EPB41L5: variants seen among roughly 807,000 people sequenced by gnomAD.
The protein encoded by EPB41L5 is erythrocyte membrane protein band 4.1 like 5.
A neutral mutation model predicts 106.6 loss-of-function variants in EPB41L5; 55 were observed. The ratio of observed to expected loss-of-function variants is 0.52; its 90% CI spans 0.42 to 0.65. EPB41L5 has a LOEUF of 0.65. Ranked by LOEUF, EPB41L5 falls within the 30% of genes least tolerant of loss-of-function variation. The probability of loss-of-function intolerance (pLI) is 0.00; values close to 1 mark genes in which losing one functional copy is unlikely to be tolerated. For missense variants in EPB41L5, 871 were observed against 882.1 expected (o/e 0.99, Z 0.16); for synonymous variants, 297 against 306.7 (o/e 0.97, Z 0.33).
chr2:120,153,264 T>C (rs1390476462), intron 20 of EPB41L5, among the ~76,000 whole-genome samples: 1 of 152,176 alleles, frequency 6.6e-6, no homozygotes, highest in East Asian at 1.9e-4. Context: ...TGAGAATGTT[T>C]TATTTAATTT....
intron 2 of EPB41L5, among the ~76,000 whole-genome samples, chr2:120,039,160 A>G (rs1216555127): frequency 6.6e-6 from 1 of 152,148 alleles, no homozygotes; most frequent in African/African-American, 2.4e-5. Flanking sequence ...GGTGAGTGAA[A>G]TAAGCCAGAA....
chr2:120,170,669 C>T (rs1031525273), intron 24 of EPB41L5, among the ~76,000 whole-genome samples: 12 of 152,218 alleles, frequency 7.9e-5, no homozygotes, highest in Non-Finnish European at 2.9e-5. Flanking sequence ...TTGCTATATT[C>T]TGTTGTTGGT....
chr2:120,164,861 T>TGCA lies in EPB41L5; in HGVS notation c.1915_1916insAGC (p.Leu638_Leu639insGln). 1 of 1,612,762 alleles carries TGCA rather than the reference T, an allele frequency of 6.2e-7. No individual in the cohort carries two copies. The highest frequency in any genetic ancestry group is 8.5e-7 in the Non-Finnish European group (1 of 1,179,406). On this transcript the variant is annotated inframe_insertion, in exon 22 of 25. Coordinates refer to ENST00000263713, the MANE Select transcript of EPB41L5 (RefSeq NM_020909.4). ...GAAGCTACAGATGAATTGGATGCCTTGCTTGCATCTCTAACTGAGAATCTA... is the reference window on the plus strand; with the variant it reads ...GAAGCTACAGATGAATTGGATGCCTTGCAGCTTGCATCTCTAACTGAGAATCTA...
Position 120,167,879 on chromosome 2 carries a change from G to T in EPB41L5, c.2007G>T (p.Gln669His). Reference protein sequence around the residue: ...SMITPRWIVPQSGAMSNGLAG... With the variant: ...SMITPRWIVPHSGAMSNGLAG... ...AGTTGTGTGTGTATCTCCCACAGCA[G>T]AGTGGTGCCATGTCTAATGGACTTG... The change falls in exon 24 of 25, where the codon CAG (glutamine) becomes CAT (histidine). Residue 669 changes from glutamine to histidine, a missense_variant and splice_region_variant. Gln to His is a conservative substitution (Grantham distance 24). Coordinates refer to ENST00000263713, the MANE Select transcript of EPB41L5 (RefSeq NM_020909.4). 1 of 1,614,150 alleles carries T rather than the reference G, an allele frequency of 6.2e-7. No individual in the cohort carries two copies. The highest frequency in any genetic ancestry group is 8.5e-7 in the Non-Finnish European group (1 of 1,180,000).
At chr2:120,019,472 G>GTCTCTT (rs1348814890) in intron 2 of EPB41L5, among the ~76,000 whole-genome samples, 1 of 152,172 alleles carries the variant, frequency 6.6e-6, no homozygotes, top group Admixed American at 6.6e-5. Flanking sequence ...TTTGGAATTA[G>GTCTCTT]TGGCGATTAC....
chr2:120,038,899 A>G (rs1370292248), intron 2 of EPB41L5, among the ~76,000 whole-genome samples: 1 of 152,254 alleles, frequency 6.6e-6, no homozygotes, highest in Non-Finnish European at 1.5e-5. Context: ...CATTATTCCA[A>G]ACTGAAAAGA....
intron 22 of EPB41L5, 78 bp downstream of exon 22, chr2:120,164,988 C>A: frequency 1.8e-6 from 2 of 1,097,758 alleles, no homozygotes; most frequent in Non-Finnish European, 1.3e-6. Flanking sequence ...CAGTTTTTTC[C>A]TTTTTAATAA....
intron 10 of EPB41L5, among the ~76,000 whole-genome samples, chr2:120,086,883 T>C (rs1313125261): frequency 6.6e-6 from 1 of 152,176 alleles, no homozygotes; most frequent in African/African-American, 2.4e-5. Context: ...ACCTAAAGAA[T>C]CTCTTACACC....
intron 1 of EPB41L5, 50 bp from the exon 2 acceptor site, chr2:120,019,027 G>C (rs1466389136): frequency 6.7e-7 from 1 of 1,483,732 alleles, no homozygotes; most frequent in African/African-American, 1.4e-5. Context: ...GCAAGTTGTG[G>C]AGAATCTCAT....
chr2:120,042,172 A>G, intron 3 of EPB41L5, 62 bp downstream of exon 3: 1 of 1,261,906 alleles, frequency 7.9e-7, no homozygotes, highest in South Asian at 1.2e-5. Context: ...TTCAGATGAT[A>G]TACTAATTGC....
intron 10 of EPB41L5, among the ~76,000 whole-genome samples, chr2:120,083,163 C>A (rs1228983543): frequency 6.6e-6 from 1 of 152,070 alleles, no homozygotes; most frequent in Non-Finnish European, 1.5e-5. Flanking sequence ...AATGTGTTTG[C>A]CCTTGCTTCT....
At position 120,160,903 on chromosome 2, in the gene EPB41L5, G is replaced by C. The variant is rs1202632017; in HGVS notation, c.1816G>C (p.Val606Leu). Residue 606 changes from valine to leucine, a missense_variant, in exon 21 of 25, where the codon GTG (valine) becomes CTG (leucine). Val to Leu is a conservative substitution (Grantham distance 32, BLOSUM62 1). Coordinates refer to ENST00000263713, the MANE Select transcript of EPB41L5 (RefSeq NM_020909.4). ...TNSAVLNENNVPLPKESLETL... is the reference protein window; with the variant it reads ...TNSAVLNENNLPLPKESLETL... The stretch of plus-strand genomic sequence containing the variant: ...TAGTGCTGTGTTAAATGAGAATAAT[G>C]TGCCCCTCCCCAAAGAGTCTCTTGA... The C allele has an allele frequency of 6.2e-6, 10 of 1,613,126 alleles. No homozygotes were observed. The highest frequency in any genetic ancestry group is 8.5e-6 in the Non-Finnish European group (10 of 1,179,282).
At chr2:120,078,672 A>G (rs2105332229) in intron 10 of EPB41L5, 91 bp downstream of exon 10, 2 of 818,622 alleles carry the variant, frequency 2.4e-6, no homozygotes, top group Admixed American at 2.7e-5. Context: ...TGGAAATCAA[A>G]TAGTTTTGAA....
At chr2:120,024,723 T>C (rs1418325825) in intron 2 of EPB41L5, among the ~76,000 whole-genome samples, 2 of 152,156 alleles carry the variant, frequency 1.3e-5, no homozygotes, top group Non-Finnish European at 2.9e-5. Flanking sequence ...CCTCCCAAAG[T>C]GCTGGAATTA....
At position 120,131,735 on chromosome 2, in the gene EPB41L5, G is replaced by A; in HGVS notation, c.1599+20G>A. 2 of 1,546,390 alleles carry A rather than the reference G, an allele frequency of 1.3e-6. No homozygotes were observed. Among genetic ancestry groups the A allele is most frequent in the African/African-American group, 1.4e-5 (1 of 73,492 alleles). On this transcript the variant is annotated intron_variant, in intron 18 of 24. Coordinates refer to ENST00000263713, the MANE Select transcript of EPB41L5 (RefSeq NM_020909.4). ...AGCCAGGTATTCAGATTTCCCCTGT[G>A]TATACCTGTTACACATCTCCAGAGC...
At chr2:120,147,345 G>GT (rs1318115154) in intron 20 of EPB41L5, among the ~76,000 whole-genome samples, 2 of 151,988 alleles carry the variant, frequency 1.3e-5, no homozygotes, top group South Asian at 2.1e-4. Context: ...TGAGACCCTG[G>GT]TTTTTTTTCT....
intron 16 of EPB41L5, among the ~76,000 whole-genome samples, chr2:120,126,167 A>G (rs1685454448): frequency 6.6e-6 from 1 of 152,162 alleles, no homozygotes; most frequent in African/African-American, 2.4e-5. Context: ...ATTAACTTAT[A>G]CTAATATATA....
chr2:120,109,694 AAG>A (rs1180346757), intron 16 of EPB41L5, among the ~76,000 whole-genome samples: 1 of 152,178 alleles, frequency 6.6e-6, no homozygotes, highest in Non-Finnish European at 1.5e-5. Context: ...AAAACTTCCT[AAG>A]ATAGCTCACA....
At chr2:120,132,529 G>A (rs1164211086) in intron 18 of EPB41L5, among the ~76,000 whole-genome samples, 5 of 152,136 alleles carry the variant, frequency 3.3e-5, no homozygotes, top group African/African-American at 7.2e-5. Flanking sequence ...CTTCTGTCTC[G>A]CACTCGCACT....
Sources: gnomAD v4.1 joint callset for allele counts (sites outside exome capture counted in the v4.1 genomes callset) on GRCh38, gnomAD v4.1.1 for gene constraint, MANE v1.5 for transcripts, NCBI Gene and HGNC (gene_info 2026-07-23, HGNC 2026-07-21) for gene names.